Variants in PTPRR observed in about 807,000 individuals in gnomAD.
The protein encoded by PTPRR is receptor-type tyrosine-protein phosphatase R.
Under a neutral mutation model 77.2 loss-of-function variants are expected in PTPRR, and 38 were observed. The observed-to-expected ratio is 0.49, with a 90% CI of 0.38 to 0.65. The LOEUF (loss-of-function observed/expected upper bound fraction) is 0.65, where lower values mean the gene tolerates loss of function less well. Among genes scored for constraint, PTPRR ranks in the 30% least tolerant of loss-of-function variants. The probability of loss-of-function intolerance (pLI) is 0.00; values close to 1 mark genes in which losing one functional copy is unlikely to be tolerated. For synonymous variants in PTPRR, 299 were observed against 283.1 expected (o/e 1.06, Z -0.57); for missense variants, 744 against 799.2 (o/e 0.93, Z 0.83).
At chr12:70,724,421 A>G (rs1565667108) in intron 6 of PTPRR, among the ~76,000 whole-genome samples, 2 of 152,188 alleles carry the variant, frequency 1.3e-5, no homozygotes, top group African/African-American at 2.4e-5. Flanking sequence ...CTGGAATTCT[A>G]TGAGGCTTAA....
chr12:70,869,633 T>A (rs1329359523), intron 2 of PTPRR, among the ~76,000 whole-genome samples: 1 of 152,132 alleles, frequency 6.6e-6, no homozygotes, highest in Non-Finnish European at 1.5e-5. Flanking sequence ...AGGCCCAATA[T>A]AATCACTGGA....
chr12:70,856,891 A>G (rs2137074744), intron 2 of PTPRR, among the ~76,000 whole-genome samples: 1 of 151,962 alleles, frequency 6.6e-6, no homozygotes, highest in East Asian at 1.9e-4. Context: ...GGTACTCTAT[A>G]TGCCTATATG....
intron 2 of PTPRR, among the ~76,000 whole-genome samples, chr12:70,889,714 T>G (rs1397316141): frequency 1.3e-5 from 2 of 151,996 alleles, no homozygotes; most frequent in East Asian, 3.9e-4. Flanking sequence ...CTCTGTATCC[T>G]CTCCTCCCTT....
rs1471697707 is a variant in PTPRR, at chr12:70,718,347, T to C, written c.1008-17024A>G. Among the ~76,000 whole-genome samples the C allele has an allele frequency of 2.0e-5, 3 of 151,836 alleles. No individual in the cohort carries two copies. The East Asian group carries it at 5.8e-4, about 29-fold the overall frequency. ...ATAGCACGATCTCAGCTCACTGCAA[T>C]CGCTGCCTCCTGGGTTCAAGCGATT... On this transcript the variant is annotated intron_variant, in intron 6 of 13. Transcript: ENST00000283228.
intron 6 of PTPRR, among the ~76,000 whole-genome samples, chr12:70,714,217 T>G (rs1444709056): frequency 6.6e-6 from 1 of 152,132 alleles, no homozygotes; most frequent in Non-Finnish European, 1.5e-5. Flanking sequence ...TATCTATTAA[T>G]TCAAAGAAAA....
chr12:70,915,865 G>C (rs548125206), intron 1 of PTPRR, among the ~76,000 whole-genome samples: 1 of 152,158 alleles, frequency 6.6e-6, no homozygotes, highest in East Asian at 1.9e-4. Flanking sequence ...GAAGAGACCA[G>C]AAATATCACT....
intron 12 of PTPRR, among the ~76,000 whole-genome samples, chr12:70,659,949 G>A: frequency 7.5e-6 from 1 of 134,158 alleles, no homozygotes; most frequent in African/African-American, 2.8e-5. Context: ...CAAGACAGGT[G>A]GATCACGTTT....
chr12:70,665,361 A>ATTT (rs1886947752), intron 10 of PTPRR, among the ~76,000 whole-genome samples: 1 of 98,344 alleles, frequency 1.0e-5, no homozygotes, highest in African/African-American at 3.8e-5. Flanking sequence ...AGCAATGCAA[A>ATTT]TTCTTTTTTT....
chr12:70,827,336 G>T (rs1892128406), intron 2 of PTPRR, among the ~76,000 whole-genome samples: 2 of 152,156 alleles, frequency 1.3e-5, no homozygotes, highest in South Asian at 2.1e-4. Context: ...ATAACAAACT[G>T]CTCTAGACTG....
intron 2 of PTPRR, among the ~76,000 whole-genome samples, chr12:70,878,017 C>T (rs375404613): frequency 6.6e-6 from 1 of 151,966 alleles, no homozygotes; most frequent in Non-Finnish European, 1.5e-5. Context: ...CCCTATTTAA[C>T]AAATGGTGCT....
chr12:70,714,495 C>T (rs1162375249), intron 6 of PTPRR, among the ~76,000 whole-genome samples: 1 of 152,046 alleles, frequency 6.6e-6, no homozygotes, highest in African/African-American at 2.4e-5. Context: ...TTTTTCCCTA[C>T]TTTACATTAT....
At chr12:70,675,341 C>G (rs992038907) in intron 10 of PTPRR, among the ~76,000 whole-genome samples, 1 of 151,738 alleles carries the variant, frequency 6.6e-6, no homozygotes, top group Non-Finnish European at 1.5e-5. Flanking sequence ...AAAGTTTATC[C>G]TGATTTTTCT....
At chr12:70,795,620 T>A (rs1891497855) in intron 2 of PTPRR, among the ~76,000 whole-genome samples, 2 of 152,194 alleles carry the variant, frequency 1.3e-5, no homozygotes, top group South Asian at 2.1e-4. Context: ...TCTATTTGTA[T>A]CACAAACTAG....
chr12:70,853,303 A>G (rs910439645), intron 2 of PTPRR, among the ~76,000 whole-genome samples: 2 of 152,220 alleles, frequency 1.3e-5, no homozygotes, highest in Non-Finnish European at 2.9e-5. Context: ...ATGTCATCAC[A>G]TGGCTGGTAG....
chr12:70,831,954 T>C (rs1404085722), intron 2 of PTPRR, among the ~76,000 whole-genome samples: 1 of 152,228 alleles, frequency 6.6e-6, no homozygotes, highest in Non-Finnish European at 1.5e-5. Context: ...CTAGTTTTAA[T>C]GTTCACATTC....
intron 2 of PTPRR, among the ~76,000 whole-genome samples, chr12:70,849,393 A>C (rs1471170474): frequency 6.6e-6 from 1 of 152,194 alleles, no homozygotes; most frequent in East Asian, 1.9e-4. Flanking sequence ...GTCTGGAAAG[A>C]ATGTTTAGAC....
intron 13 of PTPRR, among the ~76,000 whole-genome samples, chr12:70,654,033 A>T (rs966832067): frequency 6.6e-6 from 1 of 152,222 alleles, no homozygotes; most frequent in Non-Finnish European, 1.5e-5. Flanking sequence ...GAAGGGAAAA[A>T]CTAATCTGGA....
At chr12:70,873,966 T>G (rs1318710263) in intron 2 of PTPRR, among the ~76,000 whole-genome samples, 3 of 152,114 alleles carry the variant, frequency 2.0e-5, no homozygotes, top group African/African-American at 7.2e-5. Context: ...TGATTTTAGG[T>G]TAAAAAGTTT....
At chr12:70,783,540 T>C (rs1441069693) in intron 2 of PTPRR, among the ~76,000 whole-genome samples, 1 of 152,062 alleles carries the variant, frequency 6.6e-6, no homozygotes, top group Non-Finnish European at 1.5e-5. Flanking sequence ...CTCTGTCTGC[T>C]CTGGCTGAGG....
Sources: gnomAD v4.1 joint callset for allele counts (sites outside exome capture counted in the v4.1 genomes callset) on GRCh38, gnomAD v4.1.1 for gene constraint, MANE v1.5 for transcripts, NCBI Gene and HGNC (gene_info 2026-07-23, HGNC 2026-07-21) for gene names.